Variants in CADPS observed in about 807,000 individuals in gnomAD.
The protein encoded by CADPS is calcium-dependent secretion activator 1.
Under a neutral mutation model 167.3 loss-of-function variants are expected in CADPS, and 57 were observed. The ratio of observed to expected loss-of-function variants is 0.34; its 90% CI spans 0.28 to 0.42. The LOEUF is 0.42. Among genes scored for constraint, CADPS ranks in the 20% least tolerant of loss-of-function variants. The pLI is 1.00. For synonymous variants in CADPS, 676 were observed against 635.3 expected (o/e 1.06, Z -0.96); for missense variants, 1,414 against 1,738.1 (o/e 0.81, Z 3.32).
chr3:62,874,805 G>T lies in CADPS; in HGVS notation c.225C>A (p.Ala75=). 8.5e-7 allele frequency: 1 copy of T among 1,177,764 alleles called. No individual in the cohort carries two copies. The allele number at this position is 1,177,764 out of a possible 1,614,324, so 73.0% of individuals were successfully genotyped here. ...CGCGGCTGCTGGGTTGCAGCCCCCC[G>T]GCCCCGCCGCCGCTGCTCGCGCCGC... is the stretch of plus-strand genomic sequence containing the variant. ...GGSGASSGGG[A]GGLQPSSRAG... Residue 75 remains alanine (A), a synonymous_variant, in exon 1 of 30, where the codon GCC becomes GCA. Transcript: ENST00000383710. The surrounding 1 kb of genome is among the most constrained non-coding windows in gnomAD (Gnocchi z 7.1).
At chr3:62,471,727 T>G (rs745905859) in intron 24 of CADPS, among the ~76,000 whole-genome samples, 21 of 152,076 alleles carry the variant, frequency 1.4e-4, no homozygotes, top group Admixed American at 3.3e-4. Flanking sequence ...CTTAGAAAAC[T>G]CAGTTAAAAT....
intron 3 of CADPS, among the ~76,000 whole-genome samples, chr3:62,688,680 T>C (rs1302685026): frequency 6.6e-6 from 1 of 152,066 alleles, no homozygotes; most frequent in Non-Finnish European, 1.5e-5. Context: ...TCTGTCATCA[T>C]CTCTTGTTGC....
chr3:62,490,475 C>A (rs2063520264), intron 21 of CADPS, among the ~76,000 whole-genome samples: 1 of 152,160 alleles, frequency 6.6e-6, no homozygotes, highest in African/African-American at 2.4e-5. Context: ...AAGTCAAGCC[C>A]TCTTCCCATT....
At chr3:62,598,403 A>G (rs1022510054) in intron 6 of CADPS, among the ~76,000 whole-genome samples, 5 of 152,224 alleles carry the variant, frequency 3.3e-5, no homozygotes, top group Non-Finnish European at 7.3e-5. Context: ...TAGTAGAATC[A>G]AGAAGGTTTA....
chr3:62,731,033 C>T (rs1309666274), intron 3 of CADPS, among the ~76,000 whole-genome samples: 1 of 152,198 alleles, frequency 6.6e-6, no homozygotes, highest in Non-Finnish European at 1.5e-5. Flanking sequence ...ACAAGACATG[C>T]TCATTCCCTC....
chr3:62,426,338 A>G (rs1304326447), intron 28 of CADPS, among the ~76,000 whole-genome samples: 1 of 152,016 alleles, frequency 6.6e-6, no homozygotes, highest in African/African-American at 2.4e-5. Flanking sequence ...TTTAGTAGAG[A>G]TGAGGTTTCA....
At chr3:62,693,647 T>C in intron 3 of CADPS, among the ~76,000 whole-genome samples, 1 of 151,906 alleles carries the variant, frequency 6.6e-6, no homozygotes. Context: ...TAGCCAAGCA[T>C]GCTGGCGCAT....
At chr3:62,819,405 TGC>T (rs1175400336) in intron 1 of CADPS, among the ~76,000 whole-genome samples, 2 of 127,362 alleles carry the variant, frequency 1.6e-5, no homozygotes, top group Non-Finnish European at 1.7e-5. Flanking sequence ...ACAATCTGTG[TGC>T]GTGTGTGTGT....
intron 6 of CADPS, among the ~76,000 whole-genome samples, chr3:62,636,845 C>A (rs1248782689): frequency 6.6e-6 from 1 of 152,034 alleles, no homozygotes; most frequent in East Asian, 1.9e-4. Flanking sequence ...CTTTTATCAT[C>A]AAATCGAAGG....
At chr3:62,619,286 T>C (rs2062804266) in intron 6 of CADPS, among the ~76,000 whole-genome samples, 1 of 152,166 alleles carries the variant, frequency 6.6e-6, no homozygotes, top group South Asian at 2.1e-4. Context: ...TGCTTCTAAA[T>C]GGTGAGGGTA....
At chr3:62,857,421 T>C in intron 1 of CADPS, among the ~76,000 whole-genome samples, 1 of 151,912 alleles carries the variant, frequency 6.6e-6, no homozygotes, top group Admixed American at 6.6e-5. Flanking sequence ...TGTAGAAAGG[T>C]AAGTACACAA....
intron 1 of CADPS, among the ~76,000 whole-genome samples, chr3:62,811,700 A>G (rs563510039): frequency 6.6e-6 from 1 of 152,282 alleles, no homozygotes; most frequent in Non-Finnish European, 1.5e-5. Flanking sequence ...GTAATTCACA[A>G]TTCTTTCATA....
At chr3:62,873,256 G>A (rs1226107454) in intron 1 of CADPS, among the ~76,000 whole-genome samples, 1 of 152,224 alleles carries the variant, frequency 6.6e-6, no homozygotes, top group Non-Finnish European at 1.5e-5. Flanking sequence ...AGAGAAATCT[G>A]TGCTAACTCA....
At chr3:62,819,405 T>TGC (rs1175400336) in intron 1 of CADPS, among the ~76,000 whole-genome samples, 3 of 127,362 alleles carry the variant, frequency 2.4e-5, no homozygotes, top group South Asian at 3.2e-4. Context: ...ACAATCTGTG[T>TGC]GCGTGTGTGT....
intron 1 of CADPS, among the ~76,000 whole-genome samples, chr3:62,826,961 G>A (rs992053957): frequency 1.1e-4 from 16 of 152,182 alleles, no homozygotes; most frequent in Middle Eastern, 3.4e-3. Flanking sequence ...GCTGCCAGAC[G>A]GAATATTTAA....
At chr3:62,635,634 C>T (rs543362628) in intron 6 of CADPS, among the ~76,000 whole-genome samples, 15 of 111,492 alleles carry the variant, frequency 1.3e-4, no homozygotes, top group African/African-American at 3.0e-4. Flanking sequence ...TTTTACTTTT[C>T]GGGCTTTCTC....
chr3:62,623,603 C>T (rs561986863), intron 6 of CADPS, among the ~76,000 whole-genome samples: 1 of 152,218 alleles, frequency 6.6e-6, no homozygotes, highest in South Asian at 2.1e-4. Context: ...AATTCCTAGT[C>T]CTTCTGCATG....
intron 8 of CADPS, among the ~76,000 whole-genome samples, 164 bp from the exon 9 acceptor site, chr3:62,571,102 C>G (rs1400444132): frequency 6.6e-6 from 1 of 152,178 alleles, no homozygotes; most frequent in Admixed American, 6.5e-5. Context: ...CAACAGCAAG[C>G]ACTTTTCACT....
chr3:62,829,738 T>C (rs1036205950), intron 1 of CADPS, among the ~76,000 whole-genome samples: 6 of 152,172 alleles, frequency 3.9e-5, no homozygotes, highest in Non-Finnish European at 1.5e-5. Flanking sequence ...ATTGGCTCTC[T>C]GGCTTTATAT....
Sources: gnomAD v4.1 joint callset for allele counts (sites outside exome capture counted in the v4.1 genomes callset) on GRCh38, gnomAD v4.1.1 for gene constraint, Gnocchi (gnomAD v3.1) non-coding constraint, MANE v1.5 for transcripts, NCBI Gene and HGNC (gene_info 2026-07-23, HGNC 2026-07-21) for gene names.